Variants in SH2D6 observed in about 807,000 individuals in gnomAD.
The protein encoded by SH2D6 is SH2 domain-containing protein 6.
Under a neutral mutation model 30.2 loss-of-function variants are expected in SH2D6, and 31 were observed. That is an observed-to-expected ratio of 1.03 (90% CI 0.77 to 1.38). The LOEUF (loss-of-function observed/expected upper bound fraction) is 1.38. Among genes scored for constraint, SH2D6 ranks in the 40% most tolerant of loss-of-function variants. SH2D6 has a pLI of 0.00. For synonymous variants in SH2D6, 93 were observed against 104.6 expected (o/e 0.89, Z 0.68); for missense variants, 240 against 266.8 (o/e 0.90, Z 0.70).
intron 12 of SH2D6, among the ~76,000 whole-genome samples, 173 bp from the exon 13 acceptor site, chr2:85,431,037 C>T (rs1688562778): frequency 6.6e-6 from 1 of 152,090 alleles, no homozygotes; most frequent in South Asian, 2.1e-4. Context: ...CAGGTTGGGG[C>T]AGGGAAACTG....
Position 85,433,193 on chromosome 2 carries a change from C to G in SH2D6, c.393+72C>G, listed in dbSNP as rs183158091. ...AGAAACTGGCAGGGGTGGGGTGGGGCCTAGGGAGGGCCAGGAAATATCCCT... is the reference window on the plus strand; with the variant it reads ...AGAAACTGGCAGGGGTGGGGTGGGGGCTAGGGAGGGCCAGGAAATATCCCT... On this transcript the variant is annotated intron_variant, in intron 15 of 23. Coordinates refer to ENST00000469800, the MANE Select transcript of SH2D6 (RefSeq NM_001394463.1). The G allele has an allele frequency of 4.8e-4, 448 of 942,734 alleles. 11 individuals carry two copies. In the East Asian group the frequency reaches 0.037, roughly 77 times the overall value. 58.4% of individuals were successfully genotyped at this position (942,734 alleles called of 1,614,324 possible).
intron 6 of SH2D6, among the ~76,000 whole-genome samples, chr2:85,426,909 A>T (rs1688096204): frequency 6.6e-6 from 1 of 151,984 alleles, no homozygotes; most frequent in Admixed American, 6.5e-5. Context: ...GTGGGATCTG[A>T]CTCTGTCTCC....
chr2:85,436,878 G>C lies in SH2D6; in HGVS notation c.*54G>C, dbSNP rs1689520772. On this transcript the variant is annotated 3_prime_UTR_variant, in exon 24 of 24. Coordinates refer to ENST00000469800, the MANE Select transcript of SH2D6 (RefSeq NM_001394463.1). ...CCAGTTCACTAGGTCCTGGATGAAG[G>C]AACCGTGGTGGCCTAGACCAGTCAG... 2.7e-6 allele frequency: 1 copy of C among 373,080 alleles called. No homozygotes were observed. Among genetic ancestry groups the C allele is most frequent in the Non-Finnish European group, 5.1e-6 (1 of 197,990 alleles). The allele number at this position is 373,080 out of a possible 1,614,324, so 23.1% of individuals were successfully genotyped here.
chr2:85,433,923 C>T, intron 16 of SH2D6, 110 bp from the exon 17 acceptor site: 1 of 996,256 alleles, frequency 1.0e-6, no homozygotes, highest in Non-Finnish European at 1.5e-6. Context: ...CCAGAAAGTC[C>T]AGGCTGCAGA....
At chr2:85,434,861 T>G (rs1050076774) in intron 19 of SH2D6, 3 of 1,516,194 alleles carry the variant, frequency 2.0e-6, no homozygotes, top group Non-Finnish European at 2.6e-6. Context: ...ACGCCTCATT[T>G]GGAGGTCACA....
intron 6 of SH2D6, among the ~76,000 whole-genome samples, chr2:85,427,754 G>A (rs1046664074): frequency 4.6e-5 from 7 of 152,240 alleles, no homozygotes; most frequent in African/African-American, 1.4e-4. Context: ...AATTCTGGAT[G>A]AGGATTTGTT....
intron 17 of SH2D6, 87 bp downstream of exon 17, chr2:85,434,198 G>A: frequency 1.3e-6 from 2 of 1,523,912 alleles, no homozygotes; most frequent in East Asian, 2.5e-5. Context: ...CCCCAGCCCT[G>A]ACCCTGGGAT....
intron 19 of SH2D6, chr2:85,434,795 G>A: frequency 6.9e-7 from 1 of 1,459,024 alleles, no homozygotes; most frequent in Non-Finnish European, 9.0e-7. Context: ...GACCCTCTTG[G>A]GCATTTTCCG....
chr2:85,433,214 T>C lies in SH2D6; in HGVS notation c.393+93T>C, dbSNP rs940233697. On this transcript the variant is annotated intron_variant, in intron 15 of 23. Transcript: ENST00000469800. The stretch of plus-strand genomic sequence containing the variant: ...GGGGCCTAGGGAGGGCCAGGAAATA[T>C]CCCTGAAACCAAGGGAAAAGGCCCA... 8.0e-6 allele frequency: 7 copies of C among 876,058 alleles called. No homozygotes were observed. The South Asian group carries it at 3.7e-4, about 46-fold the overall frequency. 54.3% of individuals were successfully genotyped at this position (876,058 alleles called of 1,614,324 possible).
intron 13 of SH2D6, among the ~76,000 whole-genome samples, chr2:85,431,493 C>T (rs1043653852): frequency 6.6e-5 from 10 of 152,284 alleles, no homozygotes; most frequent in Admixed American, 1.3e-4. Flanking sequence ...TCCCCTTCAG[C>T]TTCACCCACG....
Position 85,436,583 on chromosome 2 carries a change from G to A in SH2D6, c.*1G>A, listed in dbSNP as rs1324282289. 1 of 1,613,462 alleles carries A rather than the reference G, an allele frequency of 6.2e-7. No individual in the cohort carries two copies. The highest frequency in any genetic ancestry group is 8.5e-7 in the Non-Finnish European group (1 of 1,179,800). Reference sequence around the variant, plus strand: ...CCTGCTCTTCCCCACCAAGCCTTGAGGCCACAGCGAAGTACACACCGCCTT... The same window carrying A: ...CCTGCTCTTCCCCACCAAGCCTTGAAGCCACAGCGAAGTACACACCGCCTT... On this transcript the variant is annotated 3_prime_UTR_variant, in exon 23 of 24. Coordinates refer to ENST00000469800, the MANE Select transcript of SH2D6 (RefSeq NM_001394463.1).
rs143548584 is a variant in SH2D6, at chr2:85,425,055, G to A, written c.-308-253G>A. ...CACTCCAGCCTGGGTGACAGAGCGA[G>A]ACTCCATCTCGAAATAAATAAATAA... On this transcript the variant is annotated intron_variant, in intron 5 of 23. Transcript: ENST00000469800. 6.1e-3 allele frequency among the ~76,000 whole-genome samples: 931 copies of A among 152,118 alleles called. 10 individuals carry two copies. The highest frequency in any genetic ancestry group is 0.022 in the African/African-American group (892 of 41,468).
intron 19 of SH2D6, chr2:85,434,830 C>T: frequency 6.7e-7 from 1 of 1,482,772 alleles, no homozygotes; most frequent in Non-Finnish European, 8.9e-7. Context: ...TCAGGAAGCT[C>T]CTAGTCTGTG....
chr2:85,427,010 C>A (rs181659654), intron 6 of SH2D6, among the ~76,000 whole-genome samples: 24 of 152,376 alleles, frequency 1.6e-4, no homozygotes, highest in Non-Finnish European at 2.9e-4. Flanking sequence ...GAACTGCCCA[C>A]CCCGCCACCA....
At chr2:85,434,842 C>T in intron 19 of SH2D6, 3 of 1,491,088 alleles carry the variant, frequency 2.0e-6, no homozygotes, top group East Asian at 4.9e-5. Flanking sequence ...TAGTCTGTGC[C>T]CCAAGATCAC....
chr2:85,421,215 A>T (rs778834426), intron 2 of SH2D6, among the ~76,000 whole-genome samples: 1 of 152,174 alleles, frequency 6.6e-6, no homozygotes, highest in Non-Finnish European at 1.5e-5. Context: ...GCTCCCGCTA[A>T]GGAAGGCAAA....
At chr2:85,428,033 T>C (rs1213468983) in intron 6 of SH2D6, among the ~76,000 whole-genome samples, 2 of 152,180 alleles carry the variant, frequency 1.3e-5, no homozygotes, top group Non-Finnish European at 2.9e-5. Context: ...TTAGAAGTTC[T>C]CATGTCATCA....
At chr2:85,433,178 A>T in intron 15 of SH2D6, 57 bp downstream of exon 15, 59 of 784,162 alleles carry the variant, frequency 7.5e-5, no homozygotes, top group Middle Eastern at 6.6e-4. Flanking sequence ...AGAAACTGGC[A>T]GGGGTGGGGT....
chr2:85,434,918 G>A (rs1331792450), intron 19 of SH2D6, 147 bp from the exon 20 acceptor site: 1 of 1,596,532 alleles, frequency 6.3e-7, no homozygotes, highest in African/African-American at 1.3e-5. Context: ...TCTGGAGAGT[G>A]GAGGAAGCAC....
Sources: allele counts gnomAD v4.1 joint callset (sites outside exome capture counted in the v4.1 genomes callset), GRCh38; gene constraint gnomAD v4.1.1; transcripts MANE v1.5; gene names NCBI Gene and HGNC (gene_info 2026-07-23, HGNC 2026-07-21).